Variants in RSU1 observed in about 807,000 individuals in gnomAD.
RSU1 encodes the protein rsu-1.
In RSU1, 26 loss-of-function variants were observed where a neutral mutation model predicts 31.1. That is an observed-to-expected ratio of 0.84 (90% CI 0.61 to 1.16). The LOEUF is 1.16. Ranked by LOEUF, RSU1 falls within the 50% of genes most tolerant of loss-of-function variation. The pLI, the probability that RSU1 is intolerant of heterozygous loss-of-function variation, is 0.00. For synonymous variants in RSU1, 164 were observed against 136.3 expected (o/e 1.20, Z -1.41); for missense variants, 320 against 339.1 (o/e 0.94, Z 0.44).
At chr10:16,720,378 G>A (rs1048145675) in intron 7 of RSU1, among the ~76,000 whole-genome samples, 1 of 152,094 alleles carries the variant, frequency 6.6e-6, no homozygotes, top group Non-Finnish European at 1.5e-5. Context: ...TTATCAAATA[G>A]AAATTAAATG....
intron 8 of RSU1, among the ~76,000 whole-genome samples, chr10:16,673,933 T>C (rs1323848863): frequency 6.6e-6 from 1 of 152,158 alleles, no homozygotes; most frequent in South Asian, 2.1e-4. Flanking sequence ...GCAATTACTA[T>C]AGTTCAAAGC....
chr10:16,729,073 T>C (rs1052078310), intron 7 of RSU1, among the ~76,000 whole-genome samples: 1 of 152,218 alleles, frequency 6.6e-6, no homozygotes, highest in Non-Finnish European at 1.5e-5. Context: ...ATGCCGCGTA[T>C]TTATCTCCAT....
At chr10:16,690,018 C>G (rs1216381193) in intron 8 of RSU1, among the ~76,000 whole-genome samples, 1 of 152,154 alleles carries the variant, frequency 6.6e-6, no homozygotes, top group East Asian at 1.9e-4. Context: ...GTTAACTTGT[C>G]AGCTTTTAAA....
intron 7 of RSU1, among the ~76,000 whole-genome samples, chr10:16,731,786 C>T (rs1445105632): frequency 6.6e-6 from 1 of 151,830 alleles, no homozygotes; most frequent in Non-Finnish European, 1.5e-5. Context: ...TTGATCTTCT[C>T]TTGTGAAATA....
intron 8 of RSU1, among the ~76,000 whole-genome samples, chr10:16,676,649 T>C (rs939100230): frequency 2.0e-5 from 3 of 152,188 alleles, no homozygotes; most frequent in Admixed American, 1.3e-4. Flanking sequence ...TTATCTCTAG[T>C]CTGAAAATCC....
intron 7 of RSU1, among the ~76,000 whole-genome samples, chr10:16,731,155 G>A (rs977773470): frequency 7.2e-5 from 11 of 152,044 alleles, no homozygotes; most frequent in Non-Finnish European, 1.0e-4. Context: ...AAGTATTCTC[G>A]TGTCATTTTA....
intron 3 of RSU1, among the ~76,000 whole-genome samples, chr10:16,769,767 T>A (rs1226448579): frequency 6.6e-6 from 1 of 152,164 alleles, no homozygotes; most frequent in African/African-American, 2.4e-5. Context: ...ATGCGATGAG[T>A]ATAATAATCA....
intron 8 of RSU1, among the ~76,000 whole-genome samples, chr10:16,650,285 T>C (rs905264931): frequency 2.0e-5 from 3 of 152,206 alleles, no homozygotes; most frequent in African/African-American, 7.2e-5. Context: ...ATTAATCACC[T>C]TTCTATTATA....
At chr10:16,795,353 C>CA (rs532677802) in intron 2 of RSU1, among the ~76,000 whole-genome samples, 3,674 of 74,788 alleles carry the variant, frequency 0.049, 215 homozygotes, top group Admixed American at 0.18. Context: ...GACTCCATCT[C>CA]AAAAAAAAAA....
chr10:16,603,164 GA>G (rs1211909677), intron 8 of RSU1, among the ~76,000 whole-genome samples: 1 of 152,186 alleles, frequency 6.6e-6, no homozygotes, highest in Non-Finnish European at 1.5e-5. Context: ...AGTGGAGAAA[GA>G]AAGTATAAAC....
chr10:16,694,944 C>T, intron 8 of RSU1, 79 bp downstream of exon 8: 1 of 1,336,844 alleles, frequency 7.5e-7, no homozygotes. Context: ...AGGATACTGT[C>T]ACATAATATT....
intron 7 of RSU1, among the ~76,000 whole-genome samples, chr10:16,741,535 T>C (rs1836751415): frequency 1.3e-5 from 2 of 152,086 alleles, no homozygotes; most frequent in African/African-American, 4.8e-5. Flanking sequence ...TGCAAAAATA[T>C]TCAGGTGAAA....
intron 7 of RSU1, among the ~76,000 whole-genome samples, chr10:16,700,744 C>T (rs546233206): frequency 6.6e-6 from 1 of 152,114 alleles, no homozygotes; most frequent in Non-Finnish European, 1.5e-5. Flanking sequence ...TAGACAGTGT[C>T]GGCAGTAACT....
intron 8 of RSU1, among the ~76,000 whole-genome samples, chr10:16,677,953 G>A (rs1835263790): frequency 6.6e-6 from 1 of 151,266 alleles, no homozygotes; most frequent in Non-Finnish European, 1.5e-5. Flanking sequence ...AAACACACAC[G>A]TCATCTTAGT....
intron 8 of RSU1, among the ~76,000 whole-genome samples, chr10:16,687,467 A>G (rs1835460060): frequency 6.6e-6 from 1 of 152,226 alleles, no homozygotes; most frequent in Admixed American, 6.5e-5. Flanking sequence ...GAAAAATACT[A>G]GTTACCTGTG....
intron 2 of RSU1, among the ~76,000 whole-genome samples, chr10:16,808,153 T>A (rs1191938475): frequency 6.6e-6 from 1 of 150,654 alleles, no homozygotes; most frequent in Non-Finnish European, 1.5e-5. Flanking sequence ...CACAGCACAG[T>A]ATCACACAGC....
intron 3 of RSU1, among the ~76,000 whole-genome samples, chr10:16,771,794 C>T (rs549371773): frequency 2.0e-5 from 3 of 152,278 alleles, no homozygotes; most frequent in Admixed American, 6.5e-5. Context: ...CAGTGAATTA[C>T]GGTAGTTCCA....
chr10:16,619,768 T>C (rs1834037769), intron 8 of RSU1, among the ~76,000 whole-genome samples: 1 of 152,240 alleles, frequency 6.6e-6, no homozygotes, highest in African/African-American at 2.4e-5. Context: ...CCTTCACTTT[T>C]AACTTACAAA....
intron 8 of RSU1, among the ~76,000 whole-genome samples, chr10:16,662,072 C>T (rs935872399): frequency 1.3e-5 from 2 of 152,178 alleles, no homozygotes; most frequent in Non-Finnish European, 2.9e-5. Context: ...TTTGCAAGTG[C>T]CTTTTAGAGA....
Sources: allele counts gnomAD v4.1 joint callset (sites outside exome capture counted in the v4.1 genomes callset), GRCh38; gene constraint gnomAD v4.1.1; transcripts MANE v1.5; gene names NCBI Gene and HGNC (gene_info 2026-07-23, HGNC 2026-07-21).